HMGCLL1: variants seen among roughly 807,000 people sequenced by gnomAD.
The protein encoded by HMGCLL1 is 3-hydroxymethyl-3-methylglutaryl-CoA lyase, cytoplasmic.
In HMGCLL1, 36 loss-of-function variants were observed where a neutral mutation model predicts 39.1. That is an observed-to-expected ratio of 0.92 (90% confidence interval 0.71 to 1.22). The LOEUF (loss-of-function observed/expected upper bound fraction) is 1.22. Among genes scored for constraint, HMGCLL1 ranks in the 50% most tolerant of loss-of-function variants. The pLI is 0.00. For synonymous variants in HMGCLL1, 149 were observed against 144.0 expected, an observed-to-expected ratio of 1.03 and a Z score of -0.25; for missense variants, 451 against 416.5, an observed-to-expected ratio of 1.08 and a Z score of -0.72.
At chr6:55,469,885 C>T (rs888638837) in intron 7 of HMGCLL1, among the ~76,000 whole-genome samples, 11 of 151,766 alleles carry the variant, frequency 7.2e-5, no homozygotes, top group Admixed American at 1.3e-4. Context: ...AGTATAAAGC[C>T]AAATGTCCCT....
chr6:55,471,199 G>A (rs945049291), intron 7 of HMGCLL1, among the ~76,000 whole-genome samples: 11 of 151,708 alleles, frequency 7.3e-5, no homozygotes, highest in African/African-American at 2.4e-5. Context: ...TCGATAACTT[G>A]CTTTATCCAC....
chr6:55,655,557 T>TAGATAGATAGATAGAC, the HMGCLL1 span, among the ~76,000 whole-genome samples: 3 of 151,608 alleles, frequency 2.0e-5, no homozygotes, highest in Non-Finnish European at 4.4e-5. Context: ...GATAGATAGA[T>TAGATAGATAGATAGAC]AGATAGATAG....
chr6:55,625,488 G>A, the HMGCLL1 span, among the ~76,000 whole-genome samples: 2 of 152,078 alleles, frequency 1.3e-5, no homozygotes, highest in Non-Finnish European at 2.9e-5. Context: ...GACAGAGGAA[G>A]AGAAGACTAG....
At chr6:55,517,730 A>G (rs1337344614) in intron 3 of HMGCLL1, among the ~76,000 whole-genome samples, 4 of 152,206 alleles carry the variant, frequency 2.6e-5, no homozygotes, top group South Asian at 4.1e-4. Context: ...TGATACATTC[A>G]TCTTGTCAAC....
intron 7 of HMGCLL1, among the ~76,000 whole-genome samples, chr6:55,479,520 C>T (rs1765620062): frequency 6.6e-6 from 1 of 151,550 alleles, no homozygotes; most frequent in Admixed American, 6.6e-5. Context: ...TTGCCACTCT[C>T]ATCCTACCTT....
the HMGCLL1 span, among the ~76,000 whole-genome samples, chr6:55,666,163 CAAGA>C: frequency 1.3e-5 from 2 of 151,590 alleles, no homozygotes; most frequent in East Asian, 3.9e-4. Context: ...CAAGCGTGGA[CAAGA>C]AAGTCCCAAT....
Position 55,507,334 on chromosome 6 carries a change from T to A in HMGCLL1, c.542+6714A>T, listed in dbSNP as rs1202187783. 3.3e-5 allele frequency among the ~76,000 whole-genome samples: 5 copies of A among 151,674 alleles called. 1 individual carries two copies. Among genetic ancestry groups the A allele is most frequent in the African/African-American group, 1.2e-4 (5 of 41,356 alleles). ...GCATCCACTGGGGTCTTGGAATACA[T>A]CTCCTGCAGACAAGGGGGACTACTC... On this transcript the variant is annotated intron_variant, in intron 5 of 8. Coordinates refer to ENST00000274901, the MANE Select transcript of HMGCLL1 (RefSeq NM_001042406.2).
the HMGCLL1 span, among the ~76,000 whole-genome samples, chr6:55,641,669 C>T: frequency 6.6e-6 from 1 of 151,654 alleles, no homozygotes; most frequent in Admixed American, 6.6e-5. Context: ...GTATATCTTC[C>T]AATTATTTCA....
chr6:55,583,083 A>G (rs924271669), upstream of HMGCLL1, among the ~76,000 whole-genome samples: 1 of 152,134 alleles, frequency 6.6e-6, no homozygotes, highest in Non-Finnish European at 1.5e-5. Context: ...TTCTCTTTAT[A>G]TTTTTAAAGT....
At chr6:55,564,029 A>T in intron 1 of HMGCLL1, 2 of 459,888 alleles carry the variant, frequency 4.3e-6, no homozygotes, top group South Asian at 3.2e-5. Flanking sequence ...AAAGGCAGCA[A>T]AGCCTCATGA....
At chr6:55,671,587 T>A in the HMGCLL1 span, among the ~76,000 whole-genome samples, 1 of 151,786 alleles carries the variant, frequency 6.6e-6, no homozygotes, top group African/African-American at 2.4e-5. Context: ...CAAAGACATA[T>A]AAAAACTTAA....
chr6:55,532,803 ACATAATAATAATAATAATAATAATAAT>A lies in HMGCLL1; in HGVS notation c.297+8899_297+8925del, dbSNP rs770376770. On this transcript the variant is annotated intron_variant, in intron 3 of 8. Coordinates refer to ENST00000274901, the MANE Select transcript of HMGCLL1 (RefSeq NM_001042406.2). ...GCAACAAAGCAAGACTCTGTCTCAA[ACATAATAATAATAATAATAATAATAAT>A]AATAATAATAATAATAATAATAATA... is the stretch of plus-strand genomic sequence containing the variant. Among the ~76,000 whole-genome samples the A allele has an allele frequency of 3.4e-3, 477 of 138,454 alleles. 2 individuals carry two copies. Among genetic ancestry groups the A allele is most frequent in the Admixed American group, 4.2e-3 (59 of 14,002 alleles). The allele number at this position is 138,454 out of a possible 152,430, so 90.8% of individuals were successfully genotyped here. A position where few individuals can be genotyped will look rare whatever the true frequency, so the allele number is the denominator to read the frequency against.
chr6:55,462,074 C>A (rs1314565614), intron 7 of HMGCLL1, among the ~76,000 whole-genome samples: 1 of 151,924 alleles, frequency 6.6e-6, no homozygotes, highest in Admixed American at 6.6e-5. Context: ...TATATTCATG[C>A]GATTATGGGG....
At chr6:55,500,405 A>G (rs1766814540) in intron 5 of HMGCLL1, among the ~76,000 whole-genome samples, 1 of 152,002 alleles carries the variant, frequency 6.6e-6, no homozygotes. Context: ...CTAATATGCT[A>G]TTGATTTGAA....
intron 7 of HMGCLL1, among the ~76,000 whole-genome samples, chr6:55,448,304 A>C (rs1763940677): frequency 6.7e-6 from 1 of 149,976 alleles, no homozygotes; most frequent in African/African-American, 2.4e-5. Flanking sequence ...TTTCTGTATA[A>C]TACAATATTA....
intron 7 of HMGCLL1, among the ~76,000 whole-genome samples, chr6:55,473,674 C>A (rs928550942): frequency 6.6e-6 from 1 of 151,252 alleles, no homozygotes; most frequent in African/African-American, 2.4e-5. Context: ...ATTTTATTTT[C>A]ATATATTGCA....
chr6:55,467,477 G>A (rs1337339087), intron 7 of HMGCLL1, among the ~76,000 whole-genome samples: 1 of 151,978 alleles, frequency 6.6e-6, no homozygotes, highest in East Asian at 1.9e-4. Flanking sequence ...ATACAGATAA[G>A]AGCAAGAGCT....
At chr6:55,652,530 G>T in the HMGCLL1 span, among the ~76,000 whole-genome samples, 1 of 152,108 alleles carries the variant, frequency 6.6e-6, no homozygotes, top group African/African-American at 2.4e-5. Context: ...TTCTCCATGA[G>T]ATAGAAAACA....
At chr6:55,505,705 A>G (rs1231178771) in intron 5 of HMGCLL1, among the ~76,000 whole-genome samples, 1 of 151,652 alleles carries the variant, frequency 6.6e-6, no homozygotes, top group Admixed American at 6.6e-5. Context: ...CAAAGTTTAG[A>G]AAAAAAATTT....
Sources: gnomAD v4.1 joint callset for allele counts (sites outside exome capture counted in the v4.1 genomes callset) on GRCh38, gnomAD v4.1.1 for gene constraint, MANE v1.5 for transcripts, NCBI Gene and HGNC (gene_info 2026-07-23, HGNC 2026-07-21) for gene names.